CTSB: variants seen among roughly 807,000 people sequenced by gnomAD.
CTSB encodes the protein APP secretase.
Under a neutral mutation model 44.3 loss-of-function variants are expected in CTSB, and 57 were observed. The ratio of observed to expected loss-of-function variants is 1.29; its 90% CI spans 1.04 to 1.60. CTSB has a LOEUF of 1.60. Among genes scored for constraint, CTSB ranks in the 40% most tolerant of loss-of-function variants. CTSB has a pLI of 0.00. For missense variants in CTSB, 768 were observed against 443.0 expected, an observed-to-expected ratio of 1.73 and a Z score of -6.59; for synonymous variants, 320 against 168.0, an observed-to-expected ratio of 1.91 and a Z score of -7.00.
In CTSB at chr8:11,850,859, G is replaced by A. The variant is rs772631458; in HGVS notation, c.327+7C>T. ...CAGCGCTTCCCCGCCAGCCAGCAGG[G>A]CCTTACCCAGCAGGAGCCACAGGAG... On this transcript the variant is annotated splice_region_variant and intron_variant, in intron 4 of 9. Transcript: ENST00000353047. The A allele has an allele frequency of 5.7e-5, 91 of 1,604,176 alleles. No individual in the cohort carries two copies. The highest frequency in any genetic ancestry group is 8.4e-5 in the Admixed American group (5 of 59,790).
chr8:11,852,968 C>G (rs1180107739), intron 2 of CTSB, among the ~76,000 whole-genome samples: 1 of 152,148 alleles, frequency 6.6e-6, no homozygotes, highest in African/African-American at 2.4e-5. Context: ...AGGGTCAGGG[C>G]TGGGCAGAGA....
chr8:11,849,162 G>A lies in CTSB; in HGVS notation c.330C>T (p.Ala110=), dbSNP rs1270841378. 6 of 1,611,784 alleles carry A rather than the reference G, an allele frequency of 3.7e-6. No homozygotes were observed. Among genetic ancestry groups the A allele is most frequent in the African/African-American group, 1.3e-5 (1 of 75,006 alleles). ...RDQGSCGSCW[A]FGAVEAISDR... The stretch of plus-strand genomic sequence containing the variant: ...CAGAGATGGCTTCCACAGCCCCGAA[G>A]GCCTGCAGGAACGAGCCCCACCGGG... Residue 110 remains alanine (A), a splice_region_variant and synonymous_variant, in exon 5 of 10, where the codon GCC becomes GCT. Coordinates refer to ENST00000353047, the MANE Select transcript of CTSB (RefSeq NM_001908.5).
chr8:11,853,295 G>A, intron 2 of CTSB, 34 bp downstream of exon 2: 1 of 1,610,426 alleles, frequency 6.2e-7, no homozygotes, highest in Non-Finnish European at 8.5e-7. Context: ...CGACCTGGGA[G>A]GGGACATACA....
chr8:11,849,237 G>C, intron 4 of CTSB, 73 bp from the exon 5 acceptor site: 1 of 1,182,516 alleles, frequency 8.5e-7, no homozygotes, highest in Non-Finnish European at 1.2e-6. Context: ...CCCTCAAAGG[G>C]CCACAGGGGC....
intron 1 of CTSB, among the ~76,000 whole-genome samples, chr8:11,857,165 A>G (rs1815647501): frequency 6.6e-6 from 1 of 152,174 alleles, no homozygotes; most frequent in Non-Finnish European, 1.5e-5. Flanking sequence ...CTGGGATTAC[A>G]GGCCTGTGCT....
At position 11,850,968 on chromosome 8, in the gene CTSB, G is replaced by C. The variant is rs760427031; in HGVS notation, c.225C>G (p.Thr75=). ...GPKPPQRVMF[T]EDLKLPASFD... ...AGCTTGCAGGCAGCTTCAGGTCCTC[G>C]GTAAACATAACTCTGGATAAAGGAA... Residue 75 remains threonine (T), a synonymous_variant, in exon 4 of 10, where the codon ACC becomes ACG. Coordinates refer to ENST00000353047, the MANE Select transcript of CTSB (RefSeq NM_001908.5). 1.9e-6 allele frequency: 3 copies of C among 1,611,728 alleles called. No individual in the cohort carries two copies. Among genetic ancestry groups the C allele is most frequent in the Non-Finnish European group, 2.5e-6 (3 of 1,178,436 alleles).
At chr8:11,857,602 A>G (rs1815713774) in intron 1 of CTSB, among the ~76,000 whole-genome samples, 1 of 152,178 alleles carries the variant, frequency 6.6e-6, no homozygotes. Context: ...GGCAGCTGCC[A>G]TGTCCAGTGG....
chr8:11,847,182 C>T lies in CTSB; in HGVS notation c.677-14G>A, dbSNP rs746924642. 15 of 1,567,540 alleles carry T rather than the reference C, an allele frequency of 9.6e-6. No homozygotes were observed. Among genetic ancestry groups the T allele is most frequent in the South Asian group, 1.1e-5 (1 of 90,104 alleles). ...AGGAATTGTATCCTGGAAAATGAAC[C>T]GAGCTCGGGGTTGGGGAGGGCAGTG... On this transcript the variant is annotated splice_polypyrimidine_tract_variant and intron_variant, in intron 7 of 9. Transcript: ENST00000353047.
chr8:11,845,877 G>A (rs1813225960), intron 8 of CTSB, 88 bp from the exon 9 acceptor site: 4 of 1,444,422 alleles, frequency 2.8e-6, no homozygotes, highest in Non-Finnish European at 2.7e-6. Flanking sequence ...TCATGCTCCG[G>A]GAAGGAGAAA....
chr8:11,849,187 G>A (rs373935627), intron 4 of CTSB, 23 bp from the exon 5 acceptor site: 2 of 1,599,490 alleles, frequency 1.3e-6, no homozygotes, highest in South Asian at 1.1e-5. Flanking sequence ...GCCCCACCGG[G>A]TGAGGCTGCC....
chr8:11,856,574 T>C (rs1449810914), intron 1 of CTSB, among the ~76,000 whole-genome samples: 1 of 152,142 alleles, frequency 6.6e-6, no homozygotes, highest in Non-Finnish European at 1.5e-5. Context: ...GGACGACAGA[T>C]TGAGACTTCA....
chr8:11,860,322 C>T (rs777493333), intron 1 of CTSB, among the ~76,000 whole-genome samples: 3 of 152,042 alleles, frequency 2.0e-5, no homozygotes, highest in Non-Finnish European at 4.4e-5. Context: ...TCATAGTCAG[C>T]TCTAAAGAAT....
chr8:11,851,321 C>G (rs2740595), intron 3 of CTSB, among the ~76,000 whole-genome samples: 26,864 of 152,000 alleles, frequency 0.18, 3,046 homozygotes, highest in Middle Eastern at 0.28. Flanking sequence ...TCCTGAGTAG[C>G]TGGGATTACA....
At chr8:11,850,598 C>A (rs143720130) in intron 4 of CTSB, 187 of 308,002 alleles carry the variant, frequency 6.1e-4, no homozygotes, top group African/African-American at 3.8e-3. Context: ...TATTTGCGGA[C>A]GGGCCAGCAT....
chr8:11,867,755 A>G (rs1433472290), intron 1 of CTSB: 1 of 152,246 alleles, frequency 6.6e-6, no homozygotes, highest in Non-Finnish European at 1.5e-5. Context: ...AGCGGAGGGC[A>G]GAGGGCTGGC....
rs910054034 is a variant in CTSB, at chr8:11,847,659, C to A, written c.676+20G>T. 5 of 1,491,354 alleles carry A rather than the reference C, an allele frequency of 3.4e-6. No individual in the cohort carries two copies. The African/African-American group carries it at 9.5e-5, about 28-fold the overall frequency. 92.4% of individuals were successfully genotyped at this position (1,491,354 alleles called of 1,614,324 possible). Reference sequence around the variant, plus strand: ...TCCCCAGCCTCCACGTGCGCCGTGGCCAGGCCCCAGGCCCCTTACCGTAGT... The same window carrying A: ...TCCCCAGCCTCCACGTGCGCCGTGGACAGGCCCCAGGCCCCTTACCGTAGT... On this transcript the variant is annotated intron_variant, in intron 7 of 9. Coordinates refer to ENST00000353047, the MANE Select transcript of CTSB (RefSeq NM_001908.5).
At chr8:11,861,090 G>C (rs1188754734) in intron 1 of CTSB, among the ~76,000 whole-genome samples, 1 of 152,178 alleles carries the variant, frequency 6.6e-6, no homozygotes, top group Non-Finnish European at 1.5e-5. Flanking sequence ...ACTGTGTTTA[G>C]TAGATTCTTG....
At position 11,847,739 on chromosome 8, in the gene CTSB, T is replaced by G. The variant is rs1813680966; in HGVS notation, c.616A>C (p.Lys206Gln). 6.2e-7 allele frequency: 1 copy of G among 1,600,672 alleles called. No homozygotes were observed. Among genetic ancestry groups the G allele is most frequent in the South Asian group, 1.1e-5 (1 of 89,258 alleles). The change falls in exon 7 of 10, where the codon AAG (lysine) becomes CAG (glutamine). Residue 206 changes from lysine (K) to glutamine (Q), a missense_variant. Physicochemically the swap from Lys to Gln is moderately conservative, Grantham distance 53. Coordinates refer to ENST00000353047, the MANE Select transcript of CTSB (RefSeq NM_001908.5). ...PPCTGEGDTPKCSKICEPGYS... is the reference protein window; with the variant it reads ...PPCTGEGDTPQCSKICEPGYS... Reference sequence around the variant, plus strand: ...CCAGGCTCACAGATCTTGCTACACTTGGGGGTATCTCCCTCCCCCGTGCAT... The same window carrying G: ...CCAGGCTCACAGATCTTGCTACACTGGGGGGTATCTCCCTCCCCCGTGCAT...
At chr8:11,849,445 A>G (rs1814128720) in intron 4 of CTSB, 6 of 246,438 alleles carry the variant, frequency 2.4e-5, no homozygotes, top group Non-Finnish European at 5.0e-5. Context: ...CACTTGCCCC[A>G]CTCTCCTGCC....
Sources: allele counts gnomAD v4.1 joint callset (sites outside exome capture counted in the v4.1 genomes callset), GRCh38; gene constraint gnomAD v4.1.1; transcripts MANE v1.5; gene names NCBI Gene and HGNC (gene_info 2026-07-23, HGNC 2026-07-21).